LYPD6B: variants seen among roughly 807,000 people sequenced by gnomAD.
The protein encoded by LYPD6B is LY6/PLAUR domain containing 6B.
Under a neutral mutation model 22.8 loss-of-function variants are expected in LYPD6B, and 17 were observed. The ratio of observed to expected loss-of-function variants is 0.75; its 90% CI spans 0.51 to 1.12. The LOEUF (loss-of-function observed/expected upper bound fraction) is 1.12. LYPD6B is among the 50% of genes most tolerant of loss of function. The pLI is 0.00. For missense variants in LYPD6B, 221 were observed against 258.3 expected, an observed-to-expected ratio of 0.86 and a Z score of 0.99; for synonymous variants, 106 against 91.6, an observed-to-expected ratio of 1.16 and a Z score of -0.90.
intron 3 of LYPD6B, among the ~76,000 whole-genome samples, chr2:149,178,841 A>G (rs1046967249): frequency 6.6e-6 from 1 of 152,116 alleles, no homozygotes; most frequent in Non-Finnish European, 1.5e-5. Context: ...CTGCACAAAC[A>G]TGCTCTCCAC....
intron 3 of LYPD6B, among the ~76,000 whole-genome samples, chr2:149,178,027 G>A (rs1377682322): frequency 6.6e-6 from 1 of 151,970 alleles, no homozygotes; most frequent in Admixed American, 6.6e-5. Context: ...CTGATTTATA[G>A]AAGAGAAAAT....
At chr2:149,083,459 T>C (rs1236307647) in intron 1 of LYPD6B, among the ~76,000 whole-genome samples, 1 of 152,224 alleles carries the variant, frequency 6.6e-6, no homozygotes, top group Non-Finnish European at 1.5e-5. Context: ...GATTCATGCA[T>C]TGCATTTGGT....
intron 3 of LYPD6B, chr2:149,187,376 G>A: frequency 1.4e-6 from 2 of 1,457,942 alleles, no homozygotes; most frequent in Non-Finnish European, 1.8e-6. Context: ...AGCCTGCTCT[G>A]CCATGGTCCC....
chr2:149,185,865 T>C (rs1692063018), intron 3 of LYPD6B, among the ~76,000 whole-genome samples: 1 of 152,200 alleles, frequency 6.6e-6, no homozygotes, highest in Admixed American at 6.5e-5. Flanking sequence ...TAGTGATCTT[T>C]GATGTTACTA....
At chr2:149,064,421 T>C (rs1305326948) in intron 1 of LYPD6B, among the ~76,000 whole-genome samples, 2 of 152,312 alleles carry the variant, frequency 1.3e-5, no homozygotes, top group East Asian at 3.9e-4. Flanking sequence ...AAAATATCAT[T>C]TGAGATCCCA....
rs1210645104 is a variant in LYPD6B, at chr2:149,214,998, C to G, written c.*288C>G. On this transcript the variant is annotated 3_prime_UTR_variant, in exon 7 of 7. Coordinates refer to ENST00000409642, the MANE Select transcript of LYPD6B (RefSeq NM_177964.5). ...CAGAGAGGATCCTGGCAACTAGTCC[C>G]ACCTGACTAGGCCTTTAGCTGAAAG... 4.9e-6 allele frequency: 2 copies of G among 407,224 alleles called. No homozygotes were observed. The highest frequency in any genetic ancestry group is 4.0e-5 in the African/African-American group (2 of 50,564). 25.2% of individuals were successfully genotyped at this position (407,224 alleles called of 1,614,324 possible). A position where few individuals can be genotyped will look rare whatever the true frequency, so the allele number is the denominator to read the frequency against.
At chr2:149,175,066 T>TGTGTGTGTGG (rs1691192807) in intron 3 of LYPD6B, among the ~76,000 whole-genome samples, 2 of 150,840 alleles carry the variant, frequency 1.3e-5, no homozygotes, top group African/African-American at 4.9e-5. Flanking sequence ...TCTCTCTGTG[T>TGTGTGTGTGG]GTGTGTGTGT....
chr2:149,064,246 G>A (rs983978032), intron 1 of LYPD6B, among the ~76,000 whole-genome samples: 4 of 152,120 alleles, frequency 2.6e-5, no homozygotes, highest in African/African-American at 9.7e-5. Context: ...CTAACTTAGG[G>A]TGAATTTTCT....
intron 3 of LYPD6B, chr2:149,187,492 G>T (rs931263807): frequency 6.6e-7 from 1 of 1,510,764 alleles, no homozygotes; most frequent in African/African-American, 1.4e-5. Flanking sequence ...ATGCAGAAGA[G>T]ATATTTTCAG....
chr2:149,073,508 C>T (rs1029748258), intron 1 of LYPD6B, among the ~76,000 whole-genome samples: 5 of 152,208 alleles, frequency 3.3e-5, no homozygotes, highest in East Asian at 1.9e-4. Context: ...AGCCCACTGC[C>T]GTGATGCTGG....
chr2:149,201,962 A>G (rs530785949), intron 3 of LYPD6B, among the ~76,000 whole-genome samples: 6 of 152,268 alleles, frequency 3.9e-5, no homozygotes, highest in South Asian at 2.1e-4. Context: ...CACTTGTACA[A>G]TGATAATGGC....
intron 1 of LYPD6B, among the ~76,000 whole-genome samples, chr2:149,062,922 T>C (rs1246882433): frequency 6.7e-6 from 1 of 150,106 alleles, no homozygotes; most frequent in Non-Finnish European, 1.5e-5. Context: ...GAAATAGTTG[T>C]CTAATGGCAG....
intron 5 of LYPD6B, among the ~76,000 whole-genome samples, chr2:149,211,000 C>G (rs1693817348): frequency 6.6e-6 from 1 of 152,182 alleles, no homozygotes; most frequent in South Asian, 2.1e-4. Flanking sequence ...ATGCTGGCGT[C>G]TTCTTGGCTT....
Position 149,184,589 on chromosome 2 carries a change from C to T in LYPD6B, c.78-20664C>T, listed in dbSNP as rs546776242. ...ATATTCCTGAAGTTCTAGAATTTTC[C>T]CTGAAGAATTTTATAACCAAATAAA... On this transcript the variant is annotated intron_variant, in intron 3 of 6. Transcript: ENST00000409642. Among the ~76,000 whole-genome samples, 9 of 152,238 alleles carry T rather than the reference C, an allele frequency of 5.9e-5. No homozygotes were observed. The South Asian group carries it at 1.9e-3, about 32-fold the overall frequency.
At chr2:149,150,803 A>C (rs391947) in intron 2 of LYPD6B, among the ~76,000 whole-genome samples, 3 of 151,792 alleles carry the variant, frequency 2.0e-5, no homozygotes. Context: ...TCTAGAACTC[A>C]TTTGGCTCGT....
intron 1 of LYPD6B, among the ~76,000 whole-genome samples, chr2:149,088,921 T>C (rs1206832110): frequency 6.6e-6 from 1 of 152,106 alleles, no homozygotes; most frequent in African/African-American, 2.4e-5. Flanking sequence ...ACTCCCCTTT[T>C]AGTGGGGGCT....
At chr2:149,198,189 C>T (rs1323769047) in intron 3 of LYPD6B, among the ~76,000 whole-genome samples, 5 of 151,930 alleles carry the variant, frequency 3.3e-5, no homozygotes, top group Admixed American at 2.0e-4. Flanking sequence ...ATTACAGGCA[C>T]GTGCCACCAG....
intron 3 of LYPD6B, among the ~76,000 whole-genome samples, chr2:149,184,260 A>T (rs891670523): frequency 3.3e-5 from 5 of 152,188 alleles, no homozygotes; most frequent in South Asian, 4.1e-4. Flanking sequence ...TGGATTGATG[A>T]TGCCAAAACA....
intron 1 of LYPD6B, among the ~76,000 whole-genome samples, chr2:149,121,053 A>G (rs997254845): frequency 6.6e-5 from 10 of 152,012 alleles, no homozygotes; most frequent in African/African-American, 2.4e-4. Flanking sequence ...TAGCCTCCCA[A>G]AGTGCTGCGA....
Sources: allele counts gnomAD v4.1 joint callset (sites outside exome capture counted in the v4.1 genomes callset), GRCh38; gene constraint gnomAD v4.1.1; transcripts MANE v1.5; gene names NCBI Gene and HGNC (gene_info 2026-07-23, HGNC 2026-07-21).